MS4A12: variants seen among roughly 807,000 people sequenced by gnomAD.
MS4A12 encodes membrane-spanning 4-domains subfamily A member 12.
Under a neutral mutation model 23.7 loss-of-function variants are expected in MS4A12, and 28 were observed. The observed-to-expected ratio is 1.18, with a 90% CI of 0.88 to 1.62. The LOEUF is 1.62. Among genes scored for constraint, MS4A12 ranks in the 40% most tolerant of loss-of-function variants. The pLI is 0.00. For synonymous variants in MS4A12, 108 were observed against 110.1 expected, an observed-to-expected ratio of 0.98 and a Z score of 0.12; for missense variants, 342 against 327.0, an observed-to-expected ratio of 1.05 and a Z score of -0.35.
At chr11:60,506,898 G>A in intron 6 of MS4A12, 60 bp downstream of exon 6, 1 of 1,550,118 alleles carries the variant, frequency 6.5e-7, no homozygotes, top group South Asian at 1.1e-5. Context: ...ATACAGACTT[G>A]TGTCTGCTAA....
rs766347364 is a variant in MS4A12 at position 60,507,114 on chromosome 11, C to T, written c.794C>T (p.Ala265Val). 6.2e-7 allele frequency: 1 copy of T among 1,610,704 alleles called. No homozygotes were observed. The highest frequency in any genetic ancestry group is 8.5e-7 in the Non-Finnish European group (1 of 1,176,940). Residue 265 changes from alanine to valine, a missense_variant, in exon 7 of 7, where the codon GCC becomes GTC. Ala to Val is a moderately conservative substitution (Grantham distance 64). Transcript: ENST00000016913. ...AGATGCAACAACTACTCAGCTAATG[C>T]CCCTAAATAGTAAAAGAAAAAGGGG... ...PPRCNNYSANAPK is the reference protein window; with the variant it reads ...PPRCNNYSANVPK
At chr11:60,505,783 AC>A (rs1426019063) in intron 5 of MS4A12, among the ~76,000 whole-genome samples, 8 of 152,164 alleles carry the variant, frequency 5.3e-5, no homozygotes, top group African/African-American at 1.9e-4. Context: ...CATGAGTAGT[AC>A]CCAGGACCTC....
chr11:60,497,261 TA>T, intron 1 of MS4A12, 51 bp from the exon 2 acceptor site: 1 of 1,515,304 alleles, frequency 6.6e-7, no homozygotes, highest in Non-Finnish European at 8.9e-7. Flanking sequence ...AGATTTTCTT[TA>T]GTTTCTTTTC....
chr11:60,495,232 G>GACCTCGGGATCTGCCC (rs935783781), intron 1 of MS4A12, among the ~76,000 whole-genome samples: 1 of 150,544 alleles, frequency 6.6e-6, no homozygotes, highest in African/African-American at 2.4e-5. Context: ...TCGATCTCCT[G>GACCTCGGGATCTGCCC]ACCTCGGGAT....
At chr11:60,502,700 T>C (rs2155712) in intron 4 of MS4A12, among the ~76,000 whole-genome samples, 87,081 of 152,028 alleles carry the variant, frequency 0.57, 25,119 homozygotes, top group East Asian at 0.67. Flanking sequence ...CAAGATTATA[T>C]GTAATCCAGT....
intron 1 of MS4A12, among the ~76,000 whole-genome samples, chr11:60,494,418 A>C (rs1326370390): frequency 2.6e-5 from 4 of 152,250 alleles, no homozygotes; most frequent in Non-Finnish European, 1.5e-5. Flanking sequence ...AATCATATAC[A>C]TGCAGAAACG....
chr11:60,501,165 T>C lies in MS4A12; in HGVS notation c.397T>C (p.Phe133Leu). ...TACTGCTGTTATTGGTGGATACCCATTCTGGGGTGGCCTTTCTGTGAGTAG... is the reference window on the plus strand; with the variant it reads ...TACTGCTGTTATTGGTGGATACCCACTCTGGGGTGGCCTTTCTGTGAGTAG... ...ASTAVIGGYP[F>L]WGGLSFIISG... Residue 133 changes from phenylalanine to leucine, a missense_variant, in exon 3 of 7, where the codon TTC becomes CTC. Phe to Leu is a conservative substitution (Grantham distance 22, BLOSUM62 0). Coordinates refer to ENST00000016913, the MANE Select transcript of MS4A12 (RefSeq NM_017716.3). The C allele has an allele frequency of 6.2e-7, 1 of 1,609,924 alleles. No individual in the cohort carries two copies. Among genetic ancestry groups the C allele is most frequent in the Non-Finnish European group, 8.5e-7 (1 of 1,178,784 alleles).
rs1396742206 is a variant in MS4A12, at chr11:60,503,692, C to T, written c.472-9C>T. 1.2e-6 allele frequency: 2 copies of T among 1,600,154 alleles called. No homozygotes were observed. The highest frequency in any genetic ancestry group is 1.1e-5 in the South Asian group (1 of 89,424). On this transcript the variant is annotated splice_polypyrimidine_tract_variant and intron_variant, in intron 4 of 6. Transcript: ENST00000016913. ...TATATAATTGATTTTTTCCTGCCATCTCCATTAGGTGAAAGGCAGCCTGGG... is the reference window on the plus strand; with the variant it reads ...TATATAATTGATTTTTTCCTGCCATTTCCATTAGGTGAAAGGCAGCCTGGG...
At chr11:60,504,967 G>GGAGA (rs2086559457) in intron 5 of MS4A12, among the ~76,000 whole-genome samples, 3 of 152,126 alleles carry the variant, frequency 2.0e-5, no homozygotes, top group Non-Finnish European at 2.9e-5. Flanking sequence ...TAAAAACATA[G>GGAGA]GAGAGTTTTA....
rs1013220021 is a variant in MS4A12 at position 60,501,295 on chromosome 11, A to G, written c.414+113A>G. On this transcript the variant is annotated intron_variant, in intron 3 of 6. Transcript: ENST00000016913. ...ACAACTCATTTCTTGATAAAGCCCT[A>G]CATCTGAGGGCTGGAGAATTTAGAA... is the stretch of plus-strand genomic sequence containing the variant. The G allele has an allele frequency of 2.6e-6, 3 of 1,169,510 alleles. No homozygotes were observed. In the African/African-American group the frequency reaches 4.8e-5, roughly 19 times the overall value. 72.4% of individuals were successfully genotyped at this position (1,169,510 alleles called of 1,614,324 possible). A position where few individuals can be genotyped will look rare whatever the true frequency, so the allele number is the denominator to read the frequency against.
intron 4 of MS4A12, 29 bp from the exon 5 acceptor site, chr11:60,503,672 A>T: frequency 6.5e-7 from 1 of 1,536,796 alleles, no homozygotes; most frequent in Non-Finnish European, 9.0e-7. Flanking sequence ...TCCTGTATAT[A>T]ATTGATTTTT....
At chr11:60,505,434 A>T (rs974018044) in intron 5 of MS4A12, among the ~76,000 whole-genome samples, 1 of 152,172 alleles carries the variant, frequency 6.6e-6, no homozygotes, top group Non-Finnish European at 1.5e-5. Flanking sequence ...GCAAAAATAG[A>T]TGAGAAAGCT....
intron 6 of MS4A12, 84 bp downstream of exon 6, chr11:60,506,922 C>T (rs563324877): frequency 7.5e-5 from 114 of 1,516,614 alleles, no homozygotes; most frequent in Admixed American, 1.0e-4. Context: ...CTACTATCGG[C>T]TTACCAGAAT....
At position 60,502,912 on chromosome 11, in the gene MS4A12, G is replaced by A. The variant is rs147755032; in HGVS notation, c.472-789G>A. On this transcript the variant is annotated intron_variant, in intron 4 of 6. Coordinates refer to ENST00000016913, the MANE Select transcript of MS4A12 (RefSeq NM_017716.3). The stretch of plus-strand genomic sequence containing the variant: ...ATCCTTCCGTCTAATTGAGATTGTC[G>A]AAGCATAGATTCCACCTCTTAGAGG... 2.1e-4 allele frequency among the ~76,000 whole-genome samples: 32 copies of A among 152,170 alleles called. 2 individuals are homozygous for A. In the East Asian group the frequency reaches 5.6e-3, roughly 27 times the overall value.
In MS4A12 at chr11:60,497,653, A is replaced by G. The variant is rs567397250; in HGVS notation, c.276+59A>G. 1.7e-4 allele frequency: 265 copies of G among 1,542,230 alleles called. No homozygotes were observed. The East Asian group carries it at 1.8e-3, about 11-fold the overall frequency. On this transcript the variant is annotated intron_variant, in intron 2 of 6. Transcript: ENST00000016913. ...CATTTGCAAGGTCTTCTTATAAGTT[A>G]TAGGAGAGTATCATCCAATTGCTAA...
At chr11:60,500,464 A>T (rs974996324) in intron 2 of MS4A12, among the ~76,000 whole-genome samples, 39 of 152,230 alleles carry the variant, frequency 2.6e-4, no homozygotes, top group African/African-American at 8.9e-4. Context: ...AATGTGCTGC[A>T]GTAAATTCCC....
At chr11:60,497,895 TCA>T (rs1263839652) in intron 2 of MS4A12, 1 of 253,934 alleles carries the variant, frequency 3.9e-6, no homozygotes, top group African/African-American at 2.3e-5. Flanking sequence ...TTGGACAATC[TCA>T]ATCCCATCTC....
chr11:60,501,274 C>T, intron 3 of MS4A12, 92 bp downstream of exon 3: 1 of 1,326,284 alleles, frequency 7.5e-7, no homozygotes, highest in Non-Finnish European at 1.0e-6. Context: ...CAATTCACAA[C>T]TCATTTCTTG....
intron 5 of MS4A12, among the ~76,000 whole-genome samples, chr11:60,505,407 C>T (rs1162039526): frequency 6.6e-6 from 1 of 151,914 alleles, no homozygotes; most frequent in Non-Finnish European, 1.5e-5. Flanking sequence ...GGACACAGAG[C>T]CAAACCGTAT....
Sources: allele counts gnomAD v4.1 joint callset (sites outside exome capture counted in the v4.1 genomes callset), GRCh38; gene constraint gnomAD v4.1.1; transcripts MANE v1.5; gene names NCBI Gene and HGNC (gene_info 2026-07-23, HGNC 2026-07-21).